The following GRID2 variants were observed in gnomAD, a reference collection of about 807,000 sequenced individuals.
GRID2 encodes the protein glutamate receptor ionotropic, delta-2.
Under a neutral mutation model 114.8 loss-of-function variants are expected in GRID2, and 33 were observed. That is an observed-to-expected ratio of 0.29 (90% CI 0.22 to 0.38). The LOEUF (loss-of-function observed/expected upper bound fraction) is 0.38, where lower values mean the gene tolerates loss of function less well. GRID2 is among the 10% of genes least tolerant of loss of function. The pLI is 1.00. For missense variants in GRID2, 1,184 were observed against 1,257.7 expected, an observed-to-expected ratio of 0.94 and a Z score of 0.89; for synonymous variants, 505 against 449.9, an observed-to-expected ratio of 1.12 and a Z score of -1.55.
At chr4:93,004,047 T>A (rs1293575590) in intron 2 of GRID2, among the ~76,000 whole-genome samples, 5 of 152,010 alleles carry the variant, frequency 3.3e-5, no homozygotes, top group Admixed American at 6.6e-5. Flanking sequence ...ATATGCTTGA[T>A]TATGGGATGC....
chr4:92,997,961 G>T (rs1444241787), intron 2 of GRID2, among the ~76,000 whole-genome samples: 1 of 151,890 alleles, frequency 6.6e-6, no homozygotes, highest in African/African-American at 2.4e-5. Context: ...TCACATATCA[G>T]ACATATCTTA....
intron 1 of GRID2, among the ~76,000 whole-genome samples, chr4:92,530,654 T>G (rs1172936402): frequency 2.0e-5 from 3 of 148,894 alleles, no homozygotes; most frequent in African/African-American, 7.5e-5. Flanking sequence ...GTAATCCCAG[T>G]ACATTGGGAG....
At chr4:93,330,672 C>T (rs757962581) in intron 8 of GRID2, among the ~76,000 whole-genome samples, 23 of 152,106 alleles carry the variant, frequency 1.5e-4, no homozygotes, top group Non-Finnish European at 3.1e-4. Context: ...GAATGGGATG[C>T]ACTTTGTCTT....
At chr4:93,677,233 C>T (rs974679752) in intron 14 of GRID2, among the ~76,000 whole-genome samples, 1 of 152,196 alleles carries the variant, frequency 6.6e-6, no homozygotes, top group African/African-American at 2.4e-5. Context: ...GGGAGGGGCG[C>T]CCGCCATTGC....
chr4:92,677,857 T>C (rs1733455104), intron 2 of GRID2, among the ~76,000 whole-genome samples: 1 of 152,100 alleles, frequency 6.6e-6, no homozygotes, highest in Admixed American at 6.6e-5. Flanking sequence ...TGAAAGGCTA[T>C]TTTCCCTACA....
At chr4:93,584,841 C>T (rs956564042) in intron 13 of GRID2, among the ~76,000 whole-genome samples, 1 of 151,980 alleles carries the variant, frequency 6.6e-6, no homozygotes, top group African/African-American at 2.4e-5. Flanking sequence ...TCAAAAGGAG[C>T]TAAATCAGGA....
chr4:92,521,982 T>G (rs915196799), intron 1 of GRID2, among the ~76,000 whole-genome samples: 1 of 151,926 alleles, frequency 6.6e-6, no homozygotes, highest in Non-Finnish European at 1.5e-5. Context: ...CAAGATTCCA[T>G]CCCTCGTGGA....
At chr4:92,442,415 G>T (rs575779432) in intron 1 of GRID2, among the ~76,000 whole-genome samples, 3 of 151,980 alleles carry the variant, frequency 2.0e-5, no homozygotes, top group East Asian at 3.9e-4. Flanking sequence ...CCAGATTTCC[G>T]GCAAGTGTAG....
At chr4:93,685,824 C>G (rs758058574) in intron 14 of GRID2, among the ~76,000 whole-genome samples, 2 of 152,044 alleles carry the variant, frequency 1.3e-5, no homozygotes, top group Non-Finnish European at 2.9e-5. Flanking sequence ...TATTTCCATT[C>G]ATTACATTCT....
chr4:93,705,978 T>G (rs1054058334), intron 14 of GRID2, among the ~76,000 whole-genome samples: 17 of 152,296 alleles, frequency 1.1e-4, no homozygotes, highest in African/African-American at 3.8e-4. Flanking sequence ...AAGTTGGAAG[T>G]GAGCTCACTG....
intron 1 of GRID2, among the ~76,000 whole-genome samples, chr4:92,336,520 T>G (rs2110153564): frequency 6.6e-6 from 1 of 152,304 alleles, no homozygotes; most frequent in African/African-American, 2.4e-5. Flanking sequence ...ATCTCTGACT[T>G]TGGCTGCTGC....
intron 2 of GRID2, among the ~76,000 whole-genome samples, chr4:93,063,058 A>G (rs371496985): frequency 1.3e-5 from 2 of 151,934 alleles, no homozygotes; most frequent in Admixed American, 1.3e-4. Flanking sequence ...ATTCTGTTTC[A>G]AGACTCTTAT....
At chr4:92,774,756 A>T (rs1432344727) in intron 2 of GRID2, among the ~76,000 whole-genome samples, 2 of 151,310 alleles carry the variant, frequency 1.3e-5, no homozygotes, top group African/African-American at 4.9e-5. Context: ...CCACCATGCA[A>T]GGCTAATTTG....
At position 93,504,963 on chromosome 4, in the gene GRID2, A is replaced by G. The variant is rs570949259; in HGVS notation, c.1998-10253A>G. 9.2e-5 allele frequency among the ~76,000 whole-genome samples: 14 copies of G among 152,258 alleles called. No homozygotes were observed. In the East Asian group the frequency reaches 2.1e-3, roughly 23 times the overall value. On this transcript the variant is annotated intron_variant, in intron 12 of 15. Transcript: ENST00000282020. ...AGAGAAATATTGTACCAGAGGTGGT[A>G]TGCAGGTATTGTCCATTTTCATTGA...
rs370639508 is a variant in GRID2, at chr4:93,111,177, T to C, written c.735+224T>C. The stretch of plus-strand genomic sequence containing the variant: ...TTGTGTTTATATATATTTAGGCACA[T>C]AGACAGAACAATTTTAAGAAGTCTT... On this transcript the variant is annotated intron_variant, in intron 4 of 15. Transcript: ENST00000282020. Among the ~76,000 whole-genome samples, 73 of 152,300 alleles carry C rather than the reference T, an allele frequency of 4.8e-4. 3 individuals carry two copies. The South Asian group carries it at 0.015, about 31-fold the overall frequency.
intron 13 of GRID2, among the ~76,000 whole-genome samples, chr4:93,522,781 A>G (rs1214600564): frequency 1.3e-5 from 2 of 152,132 alleles, no homozygotes; most frequent in African/African-American, 4.8e-5. Flanking sequence ...AGTTGAAATG[A>G]TGAAGAGAAT....
intron 2 of GRID2, among the ~76,000 whole-genome samples, chr4:93,060,822 G>T (rs1424430108): frequency 1.3e-5 from 2 of 152,098 alleles, no homozygotes. Context: ...GCTATTAAAG[G>T]CTGGGTGTGG....
intron 8 of GRID2, among the ~76,000 whole-genome samples, chr4:93,354,141 T>C (rs771338540): frequency 1.3e-5 from 2 of 152,038 alleles, no homozygotes; most frequent in Non-Finnish European, 2.9e-5. Flanking sequence ...TTATGGAGAA[T>C]AGAAAATAGA....
Position 93,128,049 on chromosome 4 carries a change from AAAAAAAAAAAC to A in GRID2, c.735+17099_735+17109del, listed in dbSNP as rs1560908535. Among the ~76,000 whole-genome samples the A allele has an allele frequency of 9.0e-5, 13 of 144,994 alleles. No individual in the cohort carries two copies. In the South Asian group the frequency reaches 1.3e-3, roughly 15 times the overall value. ...CAACAAAAAAAAAAAAAAAAAAAAA[AAAAAAAAAAAC>A]AACAGTACGTGCTATATTGGTTTTA... On this transcript the variant is annotated intron_variant, in intron 4 of 15. Coordinates refer to ENST00000282020, the MANE Select transcript of GRID2 (RefSeq NM_001510.4).
Sources: allele counts gnomAD v4.1 joint callset (sites outside exome capture counted in the v4.1 genomes callset), GRCh38; gene constraint gnomAD v4.1.1; transcripts MANE v1.5; gene names NCBI Gene and HGNC (gene_info 2026-07-23, HGNC 2026-07-21).